Variants in PLEKHA8 observed in about 807,000 individuals in gnomAD.
The protein encoded by PLEKHA8 is pleckstrin homology domain-containing family A member 8.
In PLEKHA8, 36 loss-of-function variants were observed where a neutral mutation model predicts 68.2. That is an observed-to-expected ratio of 0.53 (90% confidence interval 0.40 to 0.70). The LOEUF (loss-of-function observed/expected upper bound fraction) is 0.70, where lower values mean the gene tolerates loss of function less well. Among genes scored for constraint, PLEKHA8 ranks in the 30% least tolerant of loss-of-function variants. The pLI, the probability that PLEKHA8 is intolerant of heterozygous loss-of-function variation, is 0.00. For missense variants in PLEKHA8, 505 were observed against 615.4 expected, an observed-to-expected ratio of 0.82 and a Z score of 1.90; for synonymous variants, 211 against 216.1, an observed-to-expected ratio of 0.98 and a Z score of 0.20.
In PLEKHA8 at chr7:30,055,017, C is replaced by T. The variant is rs530496064; in HGVS notation, c.953+152C>T. ...TGCTTTACTGTTTACTCTTTCTTAC[C>T]AATGAATAAGAAGGAATTCATTGTG... On this transcript the variant is annotated intron_variant, in intron 8 of 13. Transcript: ENST00000449726. The T allele has an allele frequency of 8.3e-5, 70 of 846,028 alleles. 2 individuals are homozygous for T. The highest frequency in any genetic ancestry group is 2.4e-4 in the Middle Eastern group (1 of 4,244). 52.4% of individuals were successfully genotyped at this position (846,028 alleles called of 1,614,324 possible).
Position 30,055,330 on chromosome 7 carries a change from G to C in PLEKHA8, c.1027G>C (p.Val343Leu). The C allele has an allele frequency of 6.2e-7, 1 of 1,613,972 alleles. No individual in the cohort carries two copies. The highest frequency in any genetic ancestry group is 8.5e-7 in the Non-Finnish European group (1 of 1,179,868). Reference protein sequence around the residue: ...EAFLASCYAVVPVLDKLGPTV... With the variant: ...EAFLASCYAVLPVLDKLGPTV... The stretch of plus-strand genomic sequence containing the variant: ...ATTCTTGGCATCATGTTATGCTGTG[G>C]TTCCAGTATTAGGTAAGATTCCTGC... Residue 343 changes from valine (V) to leucine (L), a missense_variant, in exon 9 of 14, where the codon GTT becomes CTT. Coordinates refer to ENST00000449726, the MANE Select transcript of PLEKHA8 (RefSeq NM_001197026.2).
downstream of PLEKHA8, among the ~76,000 whole-genome samples, chr7:30,093,940 C>T (rs925658634): frequency 1.3e-5 from 2 of 152,176 alleles, no homozygotes; most frequent in African/African-American, 4.8e-5. Context: ...TCTTTTGTTT[C>T]CTAGTCAGTG....
At chr7:30,042,622 GAT>G (rs1791627177) in intron 1 of PLEKHA8, among the ~76,000 whole-genome samples, 1 of 152,198 alleles carries the variant, frequency 6.6e-6, no homozygotes, top group Admixed American at 6.5e-5. Context: ...AGTACAGAAA[GAT>G]AGAGTTTTCT....
chr7:30,029,855 G>A (rs1490103306), intron 1 of PLEKHA8, among the ~76,000 whole-genome samples: 1 of 152,168 alleles, frequency 6.6e-6, no homozygotes, highest in East Asian at 1.9e-4. Flanking sequence ...TAGTAACTTC[G>A]AGGAGGTCAC....
chr7:30,114,711 C>T (rs1796373572), intron 13 of PLEKHA8, among the ~76,000 whole-genome samples: 1 of 152,074 alleles, frequency 6.6e-6, no homozygotes, highest in African/African-American at 2.4e-5. Context: ...GGCTGTTTTT[C>T]TGTGAGAATC....
downstream of PLEKHA8, among the ~76,000 whole-genome samples, chr7:30,088,483 G>C (rs1257203435): frequency 6.6e-6 from 1 of 152,174 alleles, no homozygotes; most frequent in Non-Finnish European, 1.5e-5. Context: ...TCTCCCCAGT[G>C]ATTCTAATTT....
chr7:30,069,661 C>T (rs1794105088), intron 12 of PLEKHA8: 1 of 152,140 alleles, frequency 6.6e-6, no homozygotes, highest in Admixed American at 6.5e-5. Flanking sequence ...GCATATTTTT[C>T]ATTTTTATTA....
chr7:30,125,312 C>CTTACAATGG (rs1462468898), intron 13 of PLEKHA8, among the ~76,000 whole-genome samples: 2 of 152,188 alleles, frequency 1.3e-5, no homozygotes, highest in East Asian at 1.9e-4. Context: ...TGGTCCCCAA[C>CTTACAATGG]TTACAATGGT....
At chr7:30,039,075 TAC>T (rs1326174989) in intron 1 of PLEKHA8, among the ~76,000 whole-genome samples, 1 of 152,250 alleles carries the variant, frequency 6.6e-6, no homozygotes, top group Non-Finnish European at 1.5e-5. Context: ...AAGTAAATTT[TAC>T]ACAGTTTGTT....
intron 1 of PLEKHA8, among the ~76,000 whole-genome samples, chr7:30,030,883 C>G (rs746926737): frequency 1.3e-5 from 2 of 152,188 alleles, no homozygotes; most frequent in Admixed American, 1.3e-4. Flanking sequence ...TTTTCTGAAG[C>G]TTGTTTTAAA....
chr7:30,050,363 G>T, intron 5 of PLEKHA8, 71 bp from the exon 6 acceptor site: 1 of 1,501,234 alleles, frequency 6.7e-7, no homozygotes, highest in Non-Finnish European at 8.9e-7. Context: ...CATTTTGTAT[G>T]TAATAAGATC....
At chr7:30,094,275 C>T (rs1193649441), downstream of PLEKHA8, among the ~76,000 whole-genome samples, 41 of 138,258 alleles carry the variant, frequency 3.0e-4, no homozygotes, top group African/African-American at 1.0e-3. Context: ...CAAGTTTCTA[C>T]TTTTTTTTTT....
At chr7:30,115,533 CAT>C (rs200517822) in intron 13 of PLEKHA8, among the ~76,000 whole-genome samples, 2,670 of 150,818 alleles carry the variant, frequency 0.018, 50 homozygotes, top group African/African-American at 0.044. Context: ...TACATGTAGA[CAT>C]ATGTACACAT....
chr7:30,082,222 T>C lies in PLEKHA8; in HGVS notation c.*3435T>C, dbSNP rs1376185016. 1 of 985,462 alleles carries C rather than the reference T, an allele frequency of 1.0e-6. No individual in the cohort carries two copies. The allele number at this position is 985,462 out of a possible 1,614,324, so 61.0% of individuals were successfully genotyped here. A position where few individuals can be genotyped will look rare whatever the true frequency, so the allele number is the denominator to read the frequency against. On this transcript the variant is annotated 3_prime_UTR_variant, in exon 14 of 14. Transcript: ENST00000449726. ...AAACTTCCCCCAATGTCATATTCCA[T>C]GATGAGGGATTTCTGAACTCCATAG...
At chr7:30,096,275 C>T (rs75145495) in intron 13 of PLEKHA8, among the ~76,000 whole-genome samples, 1 of 152,110 alleles carries the variant, frequency 6.6e-6, no homozygotes, top group Non-Finnish European at 1.5e-5. Flanking sequence ...GTATTTTATT[C>T]TCTTTGAAGC....
At chr7:30,093,352 A>G (rs1391536431), downstream of PLEKHA8, among the ~76,000 whole-genome samples, 2 of 152,232 alleles carry the variant, frequency 1.3e-5, no homozygotes, top group African/African-American at 4.8e-5. Flanking sequence ...AACCCCATTT[A>G]TAGGTGAGAA....
chr7:30,052,394 T>C (rs1314382429), intron 6 of PLEKHA8, among the ~76,000 whole-genome samples: 9 of 152,136 alleles, frequency 5.9e-5, no homozygotes, highest in Non-Finnish European at 1.2e-4. Context: ...CCCAGCACTT[T>C]AGAACGCTGA....
Position 30,049,352 on chromosome 7 carries a change from A to C in PLEKHA8, c.567A>C (p.Ser189=), listed in dbSNP as rs1412217120. 6.2e-7 allele frequency: 1 copy of C among 1,614,094 alleles called. No homozygotes were observed. The highest frequency in any genetic ancestry group is 8.5e-7 in the Non-Finnish European group (1 of 1,179,974). Residue 189 remains serine, a synonymous_variant, in exon 5 of 14, where the codon TCA becomes TCC. Transcript: ENST00000449726. The stretch of plus-strand genomic sequence containing the variant: ...TGCTCTACCGCACTCCACCAGGATC[A>C]CCTCAGCTGGCCATGCTCAAGTCCA... ...SELLYRTPPG[S]PQLAMLKSSK...
At position 30,079,587 on chromosome 7, in the gene PLEKHA8, C is replaced by A; in HGVS notation, c.*800C>A. Reference sequence around the variant, plus strand: ...ATGATACCCAGAGGGATTATTACTCCACTTCAAAAGCAAGGTTTAGAAGTT... The same window carrying A: ...ATGATACCCAGAGGGATTATTACTCAACTTCAAAAGCAAGGTTTAGAAGTT... On this transcript the variant is annotated 3_prime_UTR_variant, in exon 14 of 14. Coordinates refer to ENST00000449726, the MANE Select transcript of PLEKHA8 (RefSeq NM_001197026.2). The A allele has an allele frequency of 1.2e-6, 1 of 827,092 alleles. No homozygotes were observed. Among genetic ancestry groups the A allele is most frequent in the Non-Finnish European group, 1.5e-6 (1 of 685,854 alleles). The allele number at this position is 827,092 out of a possible 1,614,324, so 51.2% of individuals were successfully genotyped here. A position where few individuals can be genotyped will look rare whatever the true frequency, so the allele number is the denominator to read the frequency against.
Sources: allele counts gnomAD v4.1 joint callset (sites outside exome capture counted in the v4.1 genomes callset), GRCh38; gene constraint gnomAD v4.1.1; transcripts MANE v1.5; gene names NCBI Gene and HGNC (gene_info 2026-07-23, HGNC 2026-07-21).